The following SUGCT variants were observed in gnomAD, a reference collection of about 807,000 sequenced individuals.
SUGCT encodes the protein succinyl-CoA:glutarate-CoA transferase.
In SUGCT, 41 loss-of-function variants were observed where a neutral mutation model predicts 55.0. The ratio of observed to expected loss-of-function variants is 0.74; its 90% CI spans 0.58 to 0.97. SUGCT has a LOEUF of 0.97. Ranked by LOEUF, SUGCT falls within the 50% of genes least tolerant of loss-of-function variation. SUGCT has a pLI of 0.00. For synonymous variants in SUGCT, 187 were observed against 200.4 expected (o/e 0.93, Z 0.56); for missense variants, 568 against 547.8 (o/e 1.04, Z -0.37).
intron 12 of SUGCT, among the ~76,000 whole-genome samples, chr7:40,749,110 TA>T (rs1337762171): frequency 6.6e-6 from 1 of 152,134 alleles, no homozygotes; most frequent in African/African-American, 2.4e-5. Flanking sequence ...GGCTGAGCTT[TA>T]ATATTAGGGG....
chr7:40,183,070 C>T (rs528740687), intron 3 of SUGCT, among the ~76,000 whole-genome samples: 4 of 152,270 alleles, frequency 2.6e-5, no homozygotes, highest in African/African-American at 4.8e-5. Flanking sequence ...TTCGGCAGTT[C>T]GAGACCAGCC....
chr7:40,589,586 C>T (rs1368026240), intron 12 of SUGCT, among the ~76,000 whole-genome samples: 3 of 152,150 alleles, frequency 2.0e-5, no homozygotes, highest in African/African-American at 7.2e-5. Context: ...GCCCCACCTC[C>T]CAATGTTGTT....
At chr7:40,874,636 A>G in the SUGCT span, among the ~76,000 whole-genome samples, 11 of 152,184 alleles carry the variant, frequency 7.2e-5, no homozygotes, top group Admixed American at 1.3e-4. Context: ...GTGATATACA[A>G]TATATTCTCT....
At chr7:40,571,391 A>G (rs1056476683) in intron 12 of SUGCT, among the ~76,000 whole-genome samples, 2 of 152,190 alleles carry the variant, frequency 1.3e-5, no homozygotes, top group African/African-American at 4.8e-5. Context: ...TTATTGTGAG[A>G]AAGTGTGAAC....
the SUGCT span, among the ~76,000 whole-genome samples, chr7:40,904,198 G>A: frequency 5.3e-5 from 8 of 152,154 alleles, no homozygotes; most frequent in Admixed American, 4.6e-4. Context: ...ATGTTTTTAC[G>A]ACTGAGTTTG....
chr7:41,002,102 C>A, the SUGCT span, among the ~76,000 whole-genome samples: 2 of 152,180 alleles, frequency 1.3e-5, no homozygotes, highest in African/African-American at 4.8e-5. Flanking sequence ...CTCACTATAA[C>A]CTCTGCCTCT....
At chr7:40,934,388 A>G in the SUGCT span, among the ~76,000 whole-genome samples, 2 of 152,154 alleles carry the variant, frequency 1.3e-5, no homozygotes, top group East Asian at 1.9e-4. Flanking sequence ...GTTAGGCTAC[A>G]TGGGAGTCAG....
chr7:40,385,231 G>A (rs145585974), intron 9 of SUGCT, among the ~76,000 whole-genome samples: 1 of 152,292 alleles, frequency 6.6e-6, no homozygotes, highest in Admixed American at 6.5e-5. Context: ...AGGAGGATTC[G>A]TGGGTTAGGA....
At position 40,729,376 on chromosome 7, in the gene SUGCT, T is replaced by C. The variant is rs138741435; in HGVS notation, c.1090-20058T>C. ...GAAACCAACATCATAAATTCTATAA[T>C]GTGTGTAGCATTAGAAGAGGAAGCA... On this transcript the variant is annotated intron_variant, in intron 12 of 13. Transcript: ENST00000335693. 1.2e-4 allele frequency among the ~76,000 whole-genome samples: 18 copies of C among 152,322 alleles called. No homozygotes were observed. In the East Asian group the frequency reaches 3.5e-3, roughly 29 times the overall value.
Position 40,210,081 on chromosome 7 carries a change from A to C in SUGCT, c.484+15021A>C, listed in dbSNP as rs1019180259. Among the ~76,000 whole-genome samples, 8 of 151,792 alleles carry C rather than the reference A, an allele frequency of 5.3e-5. No homozygotes were observed. In the East Asian group the frequency reaches 7.8e-4, roughly 15 times the overall value. ...TCTTTTTTTTAAAAAATTTAATTTT[A>C]TTTATTTACTTTTTGAGACAGAGTC... On this transcript the variant is annotated intron_variant, in intron 6 of 13. Coordinates refer to ENST00000335693, the MANE Select transcript of SUGCT (RefSeq NM_001193313.2).
intron 1 of SUGCT, chr7:40,153,213 C>G: frequency 2.7e-6 from 1 of 376,180 alleles, no homozygotes. Flanking sequence ...GAGATAGCAA[C>G]ATTAGTAGGT....
chr7:40,279,862 T>C (rs1235446873), intron 8 of SUGCT, among the ~76,000 whole-genome samples: 8 of 152,288 alleles, frequency 5.3e-5, no homozygotes, highest in Non-Finnish European at 1.5e-5. Context: ...TTAAAAAAAG[T>C]ATTCTTTTTA....
chr7:40,523,931 A>G (rs1490419557), intron 12 of SUGCT, among the ~76,000 whole-genome samples: 1 of 151,984 alleles, frequency 6.6e-6, no homozygotes, highest in African/African-American at 2.4e-5. Context: ...GATTTCATGG[A>G]TCTATTATAT....
chr7:40,186,819 G>A (rs1044455076), intron 3 of SUGCT, among the ~76,000 whole-genome samples: 1 of 152,144 alleles, frequency 6.6e-6, no homozygotes, highest in African/African-American at 2.4e-5. Context: ...TGCTGTGTCT[G>A]CTCTGCACAG....
At chr7:40,302,639 T>A (rs1230753075) in intron 8 of SUGCT, among the ~76,000 whole-genome samples, 1 of 152,182 alleles carries the variant, frequency 6.6e-6, no homozygotes, top group Non-Finnish European at 1.5e-5. Context: ...GTTGTGGGTT[T>A]CAAGGCCAAC....
chr7:40,792,493 G>C lies in SUGCT; in HGVS notation c.1153+42996G>C, dbSNP rs531839489. On this transcript the variant is annotated intron_variant, in intron 13 of 13. Transcript: ENST00000335693. ...GATCTCCAATTTGTCTTACTCCCTT[G>C]TTCTGATTCCGTATTGACCAGCAAC... is the stretch of plus-strand genomic sequence containing the variant. Among the ~76,000 whole-genome samples the C allele has an allele frequency of 2.0e-5, 3 of 152,230 alleles. No individual in the cohort carries two copies. In the East Asian group the frequency reaches 5.8e-4, roughly 29 times the overall value.
intron 12 of SUGCT, among the ~76,000 whole-genome samples, chr7:40,747,372 C>T (rs1250272278): frequency 6.6e-6 from 1 of 152,170 alleles, no homozygotes; most frequent in Non-Finnish European, 1.5e-5. Flanking sequence ...TATGATGTGA[C>T]TCACTAGAAA....
At chr7:40,646,196 C>A (rs1438059779) in intron 12 of SUGCT, among the ~76,000 whole-genome samples, 1 of 152,202 alleles carries the variant, frequency 6.6e-6, no homozygotes, top group African/African-American at 2.4e-5. Flanking sequence ...GCTTTCCCAA[C>A]ATAAAGCTCA....
chr7:40,180,364 C>T (rs1381500863), intron 1 of SUGCT, among the ~76,000 whole-genome samples: 4 of 151,362 alleles, frequency 2.6e-5, no homozygotes, highest in African/African-American at 4.9e-5. Flanking sequence ...GTGATCCACC[C>T]GCCTCCGCCT....
Sources: allele counts gnomAD v4.1 joint callset (sites outside exome capture counted in the v4.1 genomes callset), GRCh38; gene constraint gnomAD v4.1.1; transcripts MANE v1.5; gene names NCBI Gene and HGNC (gene_info 2026-07-23, HGNC 2026-07-21).